The following TACC2 variants were observed in gnomAD, a reference collection of about 807,000 sequenced individuals.
TACC2 encodes transforming acidic coiled-coil-containing protein 2.
A neutral mutation model predicts 227.3 loss-of-function variants in TACC2; 137 were observed. The ratio of observed to expected loss-of-function variants is 0.60; its 90% CI spans 0.52 to 0.69. The LOEUF is 0.69. TACC2 is among the 30% of genes least tolerant of loss of function. The pLI, the probability that TACC2 is intolerant of heterozygous loss-of-function variation, is 0.00. For synonymous variants in TACC2, 1,523 were observed against 1,487.5 expected (o/e 1.02, Z -0.55); for missense variants, 3,470 against 3,694.4 (o/e 0.94, Z 1.57).
intron 7 of TACC2, among the ~76,000 whole-genome samples, chr10:122,166,425 C>G (rs903634430): frequency 6.6e-6 from 1 of 152,046 alleles, no homozygotes; most frequent in Non-Finnish European, 1.5e-5. Flanking sequence ...AGGGAGGGAG[C>G]GACTTTTGTA....
chr10:122,195,167 G>A lies in TACC2; in HGVS notation c.5962G>A (p.Glu1988Lys). 2 of 1,596,396 alleles carry A rather than the reference G, an allele frequency of 1.3e-6. No individual in the cohort carries two copies. The highest frequency in any genetic ancestry group is 1.7e-6 in the Non-Finnish European group (2 of 1,169,016). ...EPEVSTQPPP[E>K]EPGCGSETVP... ...CGAGGTCAGCACACAGCCACCCCCG[G>A]AAGAACCAGGTAACCAAGGGCAGGG... The change falls in exon 8 of 23, where the codon GAA (glutamate) becomes AAA (lysine). Residue 1988 changes from glutamate to lysine, a missense_variant. Physicochemically the swap from Glu to Lys is moderately conservative, Grantham distance 56 (BLOSUM62 1). This residue lies in a region of TACC2 where 593 missense variants were observed against 636.6 expected (regional missense o/e 0.93). Transcript: ENST00000369005.
intron 5 of TACC2, among the ~76,000 whole-genome samples, chr10:122,112,603 G>T (rs534140642): frequency 1.4e-4 from 22 of 152,234 alleles, no homozygotes; most frequent in Non-Finnish European, 2.6e-4. Context: ...GGTAGCCTCA[G>T]GCGGGCAACG....
chr10:122,086,140 C>G lies in TACC2; in HGVS notation c.3640C>G (p.Gln1214Glu), dbSNP rs761093325. 1.2e-6 allele frequency: 2 copies of G among 1,613,550 alleles called. No individual in the cohort carries two copies. The highest frequency in any genetic ancestry group is 1.7e-6 in the Non-Finnish European group (2 of 1,179,972). The change falls in exon 4 of 23, where the codon CAG becomes GAG. Residue 1214 changes from glutamine (Q) to glutamate (E), a missense_variant. Transcript: ENST00000369005. Reference sequence around the variant, plus strand: ...GAGCACCATGGATTTTTCTACACACCAGGCTGTCCCAGACCCAAAGGAGCT... The same window carrying G: ...GAGCACCATGGATTTTTCTACACACGAGGCTGTCCCAGACCCAAAGGAGCT... ...PRSTMDFSTH[Q>E]AVPDPKELLL...
intron 8 of TACC2, among the ~76,000 whole-genome samples, chr10:122,203,050 T>A (rs965462871): frequency 2.6e-5 from 4 of 152,090 alleles, no homozygotes; most frequent in African/African-American, 7.2e-5. Flanking sequence ...AAGTCTCCCA[T>A]GTCTACCTCT....
At chr10:122,033,599 A>G (rs1959207694) in intron 2 of TACC2, among the ~76,000 whole-genome samples, 1 of 152,220 alleles carries the variant, frequency 6.6e-6, no homozygotes, top group African/African-American at 2.4e-5. Flanking sequence ...ATCAGCTGTC[A>G]GTGTCATGCA....
At position 122,216,640 on chromosome 10, in the gene TACC2, C is replaced by A. The variant is rs756220208; in HGVS notation, c.7358C>A (p.Ala2453Asp). 3 of 1,613,714 alleles carry A rather than the reference C, an allele frequency of 1.9e-6. No homozygotes were observed. The highest frequency in any genetic ancestry group is 2.5e-6 in the Non-Finnish European group (3 of 1,179,926). Residue 2453 changes from alanine (A) to aspartate (D), a missense_variant, in exon 11 of 23, where the codon GCT becomes GAT. Coordinates refer to ENST00000369005, the MANE Select transcript of TACC2 (RefSeq NM_206862.4). ...TTCTCTTTGCAGGACCCCACCCCAGCTGCTACACCAGAAACACCACCAGTG... is the reference window on the plus strand; with the variant it reads ...TTCTCTTTGCAGGACCCCACCCCAGATGCTACACCAGAAACACCACCAGTG... ...SDPPSQDPTP[A>D]ATPETPPVIS...
At chr10:122,120,337 A>G (rs1181238544) in intron 5 of TACC2, among the ~76,000 whole-genome samples, 1 of 152,082 alleles carries the variant, frequency 6.6e-6, no homozygotes, top group African/African-American at 2.4e-5. Context: ...AGATCAGAAA[A>G]TTGTTTGGGC....
intron 9 of TACC2, chr10:122,213,281 A>G (rs1461470322): frequency 1.3e-6 from 2 of 1,556,990 alleles, no homozygotes; most frequent in African/African-American, 1.4e-5. Context: ...TTGTCTGCAG[A>G]TTTATCTTTT....
intron 5 of TACC2, among the ~76,000 whole-genome samples, chr10:122,123,482 G>A (rs2086234363): frequency 6.6e-6 from 1 of 152,186 alleles, no homozygotes; most frequent in Non-Finnish European, 1.5e-5. Flanking sequence ...CTTTCAAAGC[G>A]CAGCTGGGGT....
intron 5 of TACC2, among the ~76,000 whole-genome samples, chr10:122,111,751 C>T (rs2083658343): frequency 2.0e-5 from 3 of 151,944 alleles, no homozygotes; most frequent in Admixed American, 2.0e-4. Context: ...ACCTCGGCCT[C>T]CCAAAGTGCT....
intron 3 of TACC2, among the ~76,000 whole-genome samples, chr10:122,068,853 G>GTT (rs1296607954): frequency 7.5e-6 from 1 of 133,544 alleles, no homozygotes; most frequent in African/African-American, 3.1e-5. Flanking sequence ...TGACCTAGAA[G>GTT]TTTTTTTTTT....
At chr10:122,206,294 A>G (rs538767228) in intron 8 of TACC2, among the ~76,000 whole-genome samples, 4 of 152,062 alleles carry the variant, frequency 2.6e-5, no homozygotes, top group Non-Finnish European at 5.9e-5. Flanking sequence ...CTTTCCCTCA[A>G]CTTGGGCATT....
chr10:122,149,637 AGCCCTTTGGAAAACATGAT>A (rs1329538122), intron 7 of TACC2, among the ~76,000 whole-genome samples: 7 of 152,190 alleles, frequency 4.6e-5, no homozygotes, highest in Admixed American at 4.6e-4. Flanking sequence ...TAGAGAAGTC[AGCCCTTTGGAAAACATGAT>A]GCATCTTCGC....
chr10:122,090,546 CAAA>C (rs1188822419), intron 5 of TACC2, among the ~76,000 whole-genome samples: 2 of 41,120 alleles, frequency 4.9e-5, no homozygotes, highest in African/African-American at 1.7e-4. Context: ...GACTCTATCT[CAAA>C]AAAAAAAAAA....
At chr10:122,206,137 C>A (rs938553329) in intron 8 of TACC2, among the ~76,000 whole-genome samples, 9 of 152,178 alleles carry the variant, frequency 5.9e-5, no homozygotes, top group Non-Finnish European at 1.2e-4. Context: ...CGGGGGCTGG[C>A]AGCAAGTGCT....
chr10:122,124,787 C>G (rs764250323), intron 5 of TACC2, among the ~76,000 whole-genome samples: 1 of 152,210 alleles, frequency 6.6e-6, no homozygotes, highest in Non-Finnish European at 1.5e-5. Context: ...TTCCCCGATT[C>G]CGCAGTCATT....
intron 3 of TACC2, among the ~76,000 whole-genome samples, chr10:122,073,928 C>A (rs1039828104): frequency 2.7e-5 from 4 of 150,134 alleles, no homozygotes; most frequent in African/African-American, 9.8e-5. Context: ...TACAGGCACC[C>A]GCCACCATGC....
At chr10:122,151,422 C>G (rs142241360) in intron 7 of TACC2, among the ~76,000 whole-genome samples, 2 of 151,798 alleles carry the variant, frequency 1.3e-5, no homozygotes, top group African/African-American at 4.8e-5. Flanking sequence ...TGGGGTGTGG[C>G]GAGGCCCAGC....
At chr10:122,053,600 C>T (rs2075930887) in intron 3 of TACC2, among the ~76,000 whole-genome samples, 1 of 152,164 alleles carries the variant, frequency 6.6e-6, no homozygotes, top group African/African-American at 2.4e-5. Flanking sequence ...TTCTCCACAA[C>T]CGTAGGCAGG....
Sources: gnomAD v4.1 joint callset for allele counts (sites outside exome capture counted in the v4.1 genomes callset) on GRCh38, gnomAD v4.1.1 for gene constraint, gnomAD v4.1.1 regional missense constraint, MANE v1.5 for transcripts, NCBI Gene and HGNC (gene_info 2026-07-23, HGNC 2026-07-21) for gene names.